The following KRT32 variants were observed in gnomAD, a reference collection of about 807,000 sequenced individuals.
KRT32 encodes keratin, type I cuticular Ha2.
KRT32 carries 44 observed loss-of-function variants against 41.8 expected under a neutral mutation model. The ratio of observed to expected loss-of-function variants is 1.05; its 90% confidence interval spans 0.83 to 1.35. KRT32 has a LOEUF of 1.35. KRT32 is among the 40% of genes most tolerant of loss of function. The pLI is 0.00. For synonymous variants in KRT32, 238 were observed against 242.5 expected (o/e 0.98, Z 0.17); for missense variants, 576 against 584.6 (o/e 0.99, Z 0.15).
intron 6 of KRT32, among the ~76,000 whole-genome samples, chr17:41,461,964 G>A (rs80250663): frequency 0.011 from 1,638 of 152,212 alleles, 29 homozygotes; most frequent in African/African-American, 0.038. Flanking sequence ...CCTCCCTATT[G>A]CTTACCTAGG....
At chr17:41,465,002 C>T (rs937162919) in intron 3 of KRT32, among the ~76,000 whole-genome samples, 6 of 152,150 alleles carry the variant, frequency 3.9e-5, no homozygotes, top group Non-Finnish European at 8.8e-5. Flanking sequence ...TTACTTTACA[C>T]TTAAGCCTGA....
Position 41,465,964 on chromosome 17 carries a change from A to G in KRT32, c.552-35T>C, listed in dbSNP as rs181116160. The stretch of plus-strand genomic sequence containing the variant: ...GACAGGGTCAGCAACCAAGGGTGAA[A>G]CAGAATGCAGAACTCAGGGAAGGCC... On this transcript the variant is annotated intron_variant, in intron 2 of 6. Coordinates refer to ENST00000225899, the MANE Select transcript of KRT32 (RefSeq NM_002278.3). 1,439 of 1,605,658 alleles carry G rather than the reference A, an allele frequency of 9.0e-4. 3 individuals are homozygous for G. The highest frequency in any genetic ancestry group is 1.1e-3 in the Non-Finnish European group (1,321 of 1,173,684).
At chr17:41,466,784 G>A (rs1198475223) in intron 1 of KRT32, 74 bp downstream of exon 1, 14 of 1,098,960 alleles carry the variant, frequency 1.3e-5, no homozygotes, top group South Asian at 7.4e-5. Flanking sequence ...ATAAGCTAAC[G>A]AGATTCCAAT....
rs576908690 is a variant in KRT32, at chr17:41,467,384, G to A, written c.-59C>T. 46 of 1,311,912 alleles carry A rather than the reference G, an allele frequency of 3.5e-5. No individual in the cohort carries two copies. The highest frequency in any genetic ancestry group is 1.9e-4 in the African/African-American group (13 of 68,652). 81.3% of individuals were successfully genotyped at this position (1,311,912 alleles called of 1,614,324 possible). ...CCTGGATGTCTACAGACCCCATGCCGCCCGGGCCATTTTATGCCCTTGCAG... is the reference window on the plus strand; with the variant it reads ...CCTGGATGTCTACAGACCCCATGCCACCCGGGCCATTTTATGCCCTTGCAG... On this transcript the variant is annotated 5_prime_UTR_variant, in exon 1 of 7. Transcript: ENST00000225899.
chr17:41,463,484 C>T (rs2019029098), intron 5 of KRT32, among the ~76,000 whole-genome samples: 2 of 152,220 alleles, frequency 1.3e-5, no homozygotes, highest in Admixed American at 1.3e-4. Context: ...GCAGGTGGAT[C>T]ACCTGAGGTC....
intron 3 of KRT32, 75 bp from the exon 4 acceptor site, chr17:41,464,518 A>C (rs892753456): frequency 1.4e-4 from 196 of 1,376,648 alleles, no homozygotes; most frequent in Non-Finnish European, 1.8e-4. Context: ...GAGACATGAA[A>C]AGATGCAACA....
At chr17:41,465,972 C>G (rs2144453138) in intron 2 of KRT32, 43 bp from the exon 3 acceptor site, 1 of 1,604,026 alleles carries the variant, frequency 6.2e-7, no homozygotes, top group South Asian at 1.1e-5. Context: ...AAACAGAATG[C>G]AGAACTCAGG....
In KRT32 at chr17:41,462,925, C is replaced by A; in HGVS notation, c.1122G>T (p.Arg374=). The part of the protein sequence containing the change: ...QLAEIRADLE[R]QNQEYQVLLD... ...GCAGCACCTGGTACTCCTGGTTCTG[C>A]CGCTCCAGGTCAGCCCGGATCTCAG... The change falls in exon 6 of 7, where the codon CGG becomes CGT. Residue 374 remains arginine, a synonymous_variant. Coordinates refer to ENST00000225899, the MANE Select transcript of KRT32 (RefSeq NM_002278.3). The A allele has an allele frequency of 1.2e-6, 2 of 1,614,100 alleles. No individual in the cohort carries two copies. The highest frequency in any genetic ancestry group is 1.7e-6 in the Non-Finnish European group (2 of 1,180,000).
intron 3 of KRT32, among the ~76,000 whole-genome samples, chr17:41,464,788 G>A (rs11078994): frequency 0.41 from 61,791 of 152,086 alleles, 12,936 homozygotes; most frequent in African/African-American, 0.48. Flanking sequence ...AGGGTAGCAG[G>A]AGCCTGGCTT....
At chr17:41,466,744 G>C in intron 1 of KRT32, 114 bp downstream of exon 1, 2 of 727,952 alleles carry the variant, frequency 2.7e-6, no homozygotes, top group Non-Finnish European at 4.5e-6. Context: ...CTATGCCCTA[G>C]GGAAGTCTCT....
At chr17:41,462,679 G>T in intron 6 of KRT32, 151 bp downstream of exon 6, 2 of 843,094 alleles carry the variant, frequency 2.4e-6, no homozygotes, top group South Asian at 1.8e-5. Flanking sequence ...ACCACTGCCT[G>T]ACTTCCTTCA....
At chr17:41,464,728 T>C (rs1280375954) in intron 3 of KRT32, among the ~76,000 whole-genome samples, 1 of 152,174 alleles carries the variant, frequency 6.6e-6, no homozygotes, top group African/African-American at 2.4e-5. Context: ...GGGAAACCGG[T>C]ACCCCTAGTA....
intron 3 of KRT32, among the ~76,000 whole-genome samples, chr17:41,465,558 T>C (rs538540732): frequency 2.0e-5 from 3 of 152,266 alleles, no homozygotes; most frequent in Admixed American, 1.3e-4. Context: ...CCATGATCCA[T>C]ATCCTGTCCA....
Position 41,464,244 on chromosome 17 carries a change from G to C in KRT32, c.870+38C>G, listed in dbSNP as rs1270212851. 1.9e-6 allele frequency: 3 copies of C among 1,585,468 alleles called. No homozygotes were observed. In the African/African-American group the frequency reaches 4.0e-5, roughly 21 times the overall value. On this transcript the variant is annotated intron_variant, in intron 4 of 6. Coordinates refer to ENST00000225899, the MANE Select transcript of KRT32 (RefSeq NM_002278.3). ...GGAGAAGGCTAGAGTCCCTTCCTAG[G>C]GATATGGAGGAGGCCATCCCCACCG... is the stretch of plus-strand genomic sequence containing the variant.
Position 41,466,940 on chromosome 17 carries a change from T to C in KRT32, c.386A>G (p.Gln129Arg), listed in dbSNP as rs2019074842. The C allele has an allele frequency of 2.5e-6, 4 of 1,614,236 alleles. No homozygotes were observed. The highest frequency in any genetic ancestry group is 2.2e-5 in the East Asian group (1 of 44,880). The part of the protein sequence containing the change: ...QENAELESRI[Q>R]EASHSQVLTM... ...GAGCACCTGGGAGTGAGAGGCCTCTTGGATCCTGCTCTCCAGCTCCGCATT... is the reference window on the plus strand; with the variant it reads ...GAGCACCTGGGAGTGAGAGGCCTCTCGGATCCTGCTCTCCAGCTCCGCATT... Residue 129 changes from glutamine to arginine, a missense_variant, in exon 1 of 7, where the codon CAA becomes CGA. Coordinates refer to ENST00000225899, the MANE Select transcript of KRT32 (RefSeq NM_002278.3).
rs1179915538 is a variant in KRT32 at position 41,466,165 on chromosome 17, G to A, written c.480C>T (p.Thr160=). Residue 160 remains threonine, a synonymous_variant, in exon 2 of 7, where the codon ACC becomes ACT. Transcript: ENST00000225899. ...IEELQQKILC[T]KAENARMVVN... ...CAACCATCCTGGCATTCTCTGCCTT[G>A]GTACACAGAATCTGTAGGCCAAGGC... 6.2e-7 allele frequency: 1 copy of A among 1,613,940 alleles called. No homozygotes were observed. Among genetic ancestry groups the A allele is most frequent in the South Asian group, 1.1e-5 (1 of 91,072 alleles).
In KRT32 at chr17:41,464,058, GC is replaced by G; in HGVS notation, c.996+19del. The G allele has an allele frequency of 6.4e-7, 1 of 1,556,568 alleles. No individual in the cohort carries two copies. The highest frequency in any genetic ancestry group is 8.7e-7 in the Non-Finnish European group (1 of 1,152,712). Reference sequence around the variant, plus strand: ...CCGCCTAGGATCCGGAGGGATGGGTGCCCACCCAGCAGCTCTCACCAGGCTG... The same window carrying G: ...CCGCCTAGGATCCGGAGGGATGGGTGCCACCCAGCAGCTCTCACCAGGCTG... On this transcript the variant is annotated intron_variant, in intron 5 of 6. Transcript: ENST00000225899.
intron 6 of KRT32, among the ~76,000 whole-genome samples, chr17:41,461,979 G>A (rs1253213344): frequency 1.4e-4 from 22 of 152,156 alleles, no homozygotes; most frequent in Admixed American, 1.4e-3. Flanking sequence ...CCTAGGCTGT[G>A]GCCAGGGCCT....
Position 41,462,885 on chromosome 17 carries a change from G to C in KRT32, c.1162C>G (p.Arg388Gly), listed in dbSNP as rs779354010. 1 of 1,585,248 alleles carries C rather than the reference G, an allele frequency of 6.3e-7. No individual in the cohort carries two copies. Among genetic ancestry groups the C allele is most frequent in the Non-Finnish European group, 8.6e-7 (1 of 1,166,170 alleles). The change falls in exon 6 of 7, where the codon CGG becomes GGG. Residue 388 changes from arginine to glycine, a missense_variant. Arg to Gly is a moderately radical substitution (Grantham distance 125). Coordinates refer to ENST00000225899, the MANE Select transcript of KRT32 (RefSeq NM_002278.3). ...EYQVLLDVRA[R>G]LEGEINTYRS... ...TACGTGTTGATCTCGCCCTCCAGCC[G>C]GGCCCGGACGTCCAGCAGCACCTGG...
Sources: allele counts gnomAD v4.1 joint callset (sites outside exome capture counted in the v4.1 genomes callset), GRCh38; gene constraint gnomAD v4.1.1; transcripts MANE v1.5; gene names NCBI Gene and HGNC (gene_info 2026-07-23, HGNC 2026-07-21).